Variants in SNED1 observed in about 807,000 individuals in gnomAD.
SNED1 encodes sushi, nidogen and EGF-like domain-containing protein 1.
SNED1 carries 81 observed loss-of-function variants against 166.7 expected under a neutral mutation model. The ratio of observed to expected loss-of-function variants is 0.49; its 90% CI spans 0.41 to 0.58. SNED1 has a LOEUF of 0.58. SNED1 is among the 20% of genes least tolerant of loss of function. SNED1 has a pLI of 0.00. For missense variants in SNED1, 1,604 were observed against 2,000.2 expected (o/e 0.80, Z 3.78); for synonymous variants, 762 against 822.0 (o/e 0.93, Z 1.25).
intron 8 of SNED1, 98 bp from the exon 9 acceptor site, chr2:241,048,217 C>T: frequency 7.3e-7 from 1 of 1,368,326 alleles, no homozygotes; most frequent in Non-Finnish European, 9.7e-7. Context: ...GGAATGACAA[C>T]AGAGGTGAAA....
intron 1 of SNED1, among the ~76,000 whole-genome samples, chr2:241,012,941 TCCTCCTGCCTCAG>T (rs1332624024): frequency 6.6e-6 from 1 of 150,708 alleles, no homozygotes; most frequent in Non-Finnish European, 1.5e-5. Context: ...GTTCACGCCA[TCCTCCTGCCTCAG>T]CCTCCCGAGT....
intron 30 of SNED1, 117 bp from the exon 31 acceptor site, chr2:241,088,248 G>A (rs1207872108): frequency 6.5e-6 from 5 of 764,168 alleles, no homozygotes; most frequent in African/African-American, 3.4e-5. Context: ...GTCCCCCACC[G>A]TGGAATGTAT....
intron 27 of SNED1, among the ~76,000 whole-genome samples, chr2:241,078,151 G>C (rs150415305): frequency 2.6e-5 from 4 of 152,134 alleles, no homozygotes; most frequent in African/African-American, 9.7e-5. Context: ...TTGGGAGGCC[G>C]AGGCGGGCAG....
chr2:241,075,997 G>A lies in SNED1; in HGVS notation c.3916+2633G>A, dbSNP rs1057042603. 1.5e-4 allele frequency among the ~76,000 whole-genome samples: 23 copies of A among 152,170 alleles called. No homozygotes were observed. The highest frequency in any genetic ancestry group is 9.8e-4 in the Admixed American group (15 of 15,296). ...CCACATATAAAAGTAGAATTCTGGC[G>A]GCGTCAATTTGATACATCTGTGCCA... On this transcript the variant is annotated intron_variant, in intron 27 of 31. Coordinates refer to ENST00000310397, the MANE Select transcript of SNED1 (RefSeq NM_001080437.3). This position sits in a 1 kb window ranked among gnomAD's most constrained non-coding sequence, Gnocchi z 4.8.
intron 6 of SNED1, among the ~76,000 whole-genome samples, chr2:241,039,217 G>A (rs78597495): frequency 0.039 from 5,971 of 152,240 alleles, 679 homozygotes; most frequent in East Asian, 0.26. Flanking sequence ...TCCACCTAGC[G>A]GAGTTGGGGT....
chr2:241,080,728 G>T (rs541330098), intron 27 of SNED1, among the ~76,000 whole-genome samples: 1 of 152,256 alleles, frequency 6.6e-6, no homozygotes, highest in Non-Finnish European at 1.5e-5. Context: ...TGTGTTCATC[G>T]TGATGCTCAG....
In SNED1 at chr2:241,094,267, A is replaced by G. The variant is rs892410917; in HGVS notation, c.*2631A>G. The G allele has an allele frequency of 2.1e-6, 1 of 468,770 alleles. No individual in the cohort carries two copies. Among genetic ancestry groups the G allele is most frequent in the Admixed American group, 2.4e-5 (1 of 42,524 alleles). The allele number at this position is 468,770 out of a possible 1,614,324, so 29.0% of individuals were successfully genotyped here. On this transcript the variant is annotated 3_prime_UTR_variant, in exon 32 of 32. Coordinates refer to ENST00000310397, the MANE Select transcript of SNED1 (RefSeq NM_001080437.3). The surrounding 1 kb of genome is among the most constrained non-coding windows in gnomAD (Gnocchi z 4.3). ...CAACAGGCAAGGGCCCCACTCAGGT[A>G]TCAGCTCACCTCCTGCACCTCCCCT...
intron 1 of SNED1, among the ~76,000 whole-genome samples, chr2:241,008,040 G>A (rs541513708): frequency 4.6e-5 from 7 of 152,388 alleles, no homozygotes; most frequent in Non-Finnish European, 1.0e-4. Context: ...ACACCCTGCC[G>A]TGGGTGAAGG....
intron 15 of SNED1, among the ~76,000 whole-genome samples, chr2:241,052,945 T>A (rs1469288493): frequency 1.3e-5 from 2 of 152,054 alleles, no homozygotes. Flanking sequence ...TTCTTGCTAA[T>A]CCCTGCAGAG....
chr2:241,047,058 A>G (rs1018328981), intron 8 of SNED1, among the ~76,000 whole-genome samples: 8 of 149,704 alleles, frequency 5.3e-5, no homozygotes, highest in African/African-American at 9.9e-5. Flanking sequence ...CAGGAGAATC[A>G]CTTGAACCCC....
intron 29 of SNED1, 167 bp from the exon 30 acceptor site, chr2:241,087,225 A>T: frequency 1.6e-6 from 1 of 608,128 alleles, no homozygotes; most frequent in Non-Finnish European, 2.9e-6. Context: ...CATGACCTTT[A>T]TGTTAGACAT....
At chr2:241,090,633 G>A (rs1219315418) in intron 31 of SNED1, among the ~76,000 whole-genome samples, 2 of 152,126 alleles carry the variant, frequency 1.3e-5, no homozygotes, top group East Asian at 1.9e-4. Context: ...TTGGGAGGCC[G>A]AGGCCGGCGG....
In SNED1 at chr2:241,065,369, G is replaced by T. The variant is rs749616538; in HGVS notation, c.2784G>T (p.Pro928=). Residue 928 remains proline, a synonymous_variant, in exon 21 of 32, where the codon CCG becomes CCT. Coordinates refer to ENST00000310397, the MANE Select transcript of SNED1 (RefSeq NM_001080437.3). ...EESGVSISWN[P]PNGPAARQML... The stretch of plus-strand genomic sequence containing the variant: ...GTGGGGTCTCTATCTCCTGGAACCC[G>T]CCCAATGGTCCAGCCGCCAGGCAGA... 3.7e-6 allele frequency: 6 copies of T among 1,613,046 alleles called. No individual in the cohort carries two copies. The South Asian group carries it at 5.5e-5, about 15-fold the overall frequency.
At chr2:241,048,479 G>A (rs2061728528) in intron 9 of SNED1, 39 bp downstream of exon 9, 5 of 1,565,700 alleles carry the variant, frequency 3.2e-6, no homozygotes, top group Non-Finnish European at 4.3e-6. Context: ...TTAGGGCTGG[G>A]GCAGGAGACC....
At chr2:241,021,923 C>T (rs759435727) in intron 1 of SNED1, among the ~76,000 whole-genome samples, 26 of 151,876 alleles carry the variant, frequency 1.7e-4, no homozygotes, top group Non-Finnish European at 2.1e-4. Flanking sequence ...CTCATCAACA[C>T]GGGTTATTAT....
chr2:241,081,745 C>A lies in SNED1; in HGVS notation c.3985C>A (p.His1329Asn). The A allele has an allele frequency of 6.2e-7, 1 of 1,608,124 alleles. No individual in the cohort carries two copies. Among genetic ancestry groups the A allele is most frequent in the South Asian group, 1.1e-5 (1 of 89,702 alleles). The change falls in exon 28 of 32, where the codon CAC becomes AAC. Residue 1329 changes from histidine (H) to asparagine (N), a missense_variant. Around this residue, in one of 2 missense-constraint regions of SNED1, gnomAD observed 367 missense variants for 379.4 expected, o/e 0.97. Transcript: ENST00000310397. The stretch of plus-strand genomic sequence containing the variant: ...CACTTGTGTGCCGGGCGCAGACGCC[C>A]ACAGCTGTGACTGCGGGCCAGGGTT... Reference protein sequence around the residue: ...GGTCVPGADAHSCDCGPGFKG... With the variant: ...GGTCVPGADANSCDCGPGFKG...
intron 27 of SNED1, among the ~76,000 whole-genome samples, chr2:241,077,600 A>G (rs2063090615): frequency 6.6e-6 from 1 of 152,156 alleles, no homozygotes; most frequent in Admixed American, 6.5e-5. Flanking sequence ...ACATGGGCAA[A>G]TCATACCTGA....
chr2:241,002,189 A>G (rs569141982), intron 1 of SNED1, among the ~76,000 whole-genome samples: 10 of 151,286 alleles, frequency 6.6e-5, no homozygotes, highest in Admixed American at 6.6e-4. Context: ...CCTGTGACAC[A>G]CCCCATCACT....
chr2:241,078,714 G>C (rs1055699090), intron 27 of SNED1, among the ~76,000 whole-genome samples: 3 of 151,890 alleles, frequency 2.0e-5, no homozygotes, highest in Non-Finnish European at 4.4e-5. Context: ...TTCTAAAATT[G>C]TGCTGATGGA....
Sources: allele counts gnomAD v4.1 joint callset (sites outside exome capture counted in the v4.1 genomes callset), GRCh38; gene constraint gnomAD v4.1.1; regional missense constraint gnomAD v4.1.1; non-coding constraint Gnocchi (gnomAD v3.1); transcripts MANE v1.5; gene names NCBI Gene and HGNC (gene_info 2026-07-23, HGNC 2026-07-21).